Variants in UGGT1 observed in about 807,000 individuals in gnomAD.
UGGT1 encodes UDP-glucose glycoprotein glucosyltransferase 1.
UGGT1 carries 107 observed loss-of-function variants against 203.9 expected under a neutral mutation model. The observed-to-expected ratio is 0.52, with a 90% CI of 0.45 to 0.62. UGGT1 has a LOEUF of 0.62. UGGT1 is among the 20% of genes least tolerant of loss of function. UGGT1 has a pLI of 0.00. For synonymous variants in UGGT1, 628 were observed against 653.5 expected (o/e 0.96, Z 0.59); for missense variants, 1,673 against 1,867.2 (o/e 0.90, Z 1.92).
chr2:128,133,877 G>C (rs1053339784), intron 14 of UGGT1, among the ~76,000 whole-genome samples: 1 of 152,096 alleles, frequency 6.6e-6, no homozygotes, highest in African/African-American at 2.4e-5. Flanking sequence ...TAGAGAGAGA[G>C]AGAGAGAGGG....
intron 20 of UGGT1, 138 bp from the exon 21 acceptor site, chr2:128,156,254 C>A: frequency 1.5e-6 from 1 of 675,922 alleles, no homozygotes; most frequent in Non-Finnish European, 2.6e-6. Context: ...TGGGACAGCG[C>A]CATGACACCG....
intron 9 of UGGT1, 125 bp from the exon 10 acceptor site, chr2:128,121,074 G>T: frequency 1.2e-6 from 1 of 864,512 alleles, no homozygotes; most frequent in East Asian, 2.6e-5. Flanking sequence ...GCACTCTCTG[G>T]AATGGTTGCA....
At position 128,120,377 on chromosome 2, in the gene UGGT1, G is replaced by C. The variant is rs780304167; in HGVS notation, c.894G>C (p.Glu298Asp). Residue 298 changes from glutamate (E) to aspartate (D), a missense_variant, in exon 9 of 41, where the codon GAG becomes GAC. Physicochemically the swap from Glu to Asp is conservative, Grantham distance 45. This residue lies in a region of UGGT1 where 1,073 missense variants were observed against 1,078.7 expected (regional missense o/e 0.99). Coordinates refer to ENST00000259253, the MANE Select transcript of UGGT1 (RefSeq NM_020120.4). Reference sequence around the variant, plus strand: ...TTAGAGATCTGCACCCCGACCTGGAGGGACAGTTGAAAGAACTCAGAAAGC... The same window carrying C: ...TTAGAGATCTGCACCCCGACCTGGACGGACAGTTGAAAGAACTCAGAAAGC... ...GKLRDLHPDL[E>D]GQLKELRKHL... is the part of the protein sequence containing the mutation. The C allele has an allele frequency of 2.0e-5, 33 of 1,613,784 alleles. No individual in the cohort carries two copies. Among genetic ancestry groups the C allele is most frequent in the Admixed American group, 2.0e-4 (12 of 59,946 alleles).
At chr2:128,189,109 T>C (rs80084658) in intron 40 of UGGT1, among the ~76,000 whole-genome samples, 3,318 of 152,296 alleles carry the variant, frequency 0.022, 138 homozygotes, top group African/African-American at 0.077. Context: ...ATAGTGATAA[T>C]GCCATTTGTT....
chr2:128,156,470 G>T, intron 21 of UGGT1, 55 bp downstream of exon 21: 2 of 1,385,690 alleles, frequency 1.4e-6, no homozygotes, highest in South Asian at 2.4e-5. Context: ...TGGTTTCAGT[G>T]ACCATTGTAA....
At chr2:128,172,259 C>G (rs974006913) in intron 28 of UGGT1, among the ~76,000 whole-genome samples, 1 of 152,200 alleles carries the variant, frequency 6.6e-6, no homozygotes, top group African/African-American at 2.4e-5. Context: ...TTTTGGCTTG[C>G]AGGTGGACAG....
chr2:128,183,096 A>G (rs1691789967), intron 37 of UGGT1, among the ~76,000 whole-genome samples: 1 of 152,212 alleles, frequency 6.6e-6, no homozygotes, highest in Non-Finnish European at 1.5e-5. Context: ...TTTGTGAGAT[A>G]AATTCCTAGA....
Position 128,174,783 on chromosome 2 carries a change from A to G in UGGT1, c.3464A>G (p.Gln1155Arg), listed in dbSNP as rs1691291799. ...TTCTTCTTGTCCTAGGGCTACTTTC[A>G]GCTGAAAGCCAACCCAGGAGCTTGG... ...TIVMANLGYF[Q>R]LKANPGAWIL... The change falls in exon 31 of 41, where the codon CAG becomes CGG. Residue 1155 changes from glutamine (Q) to arginine (R), a missense_variant. Gln to Arg is a conservative substitution (Grantham distance 43). Around this residue, in one of 4 missense-constraint regions of UGGT1, gnomAD observed 513 missense variants for 684.1 expected, o/e 0.75. Coordinates refer to ENST00000259253, the MANE Select transcript of UGGT1 (RefSeq NM_020120.4). The G allele has an allele frequency of 1.2e-6, 2 of 1,613,520 alleles. No homozygotes were observed. Among genetic ancestry groups the G allele is most frequent in the African/African-American group, 1.3e-5 (1 of 74,892 alleles).
At chr2:128,184,760 C>A (rs1691885625) in intron 38 of UGGT1, among the ~76,000 whole-genome samples, 1 of 151,752 alleles carries the variant, frequency 6.6e-6, no homozygotes, top group Admixed American at 6.6e-5. Context: ...GCACTCACTG[C>A]AACCTCCACC....
chr2:128,104,856 A>G (rs1263458220), intron 3 of UGGT1, among the ~76,000 whole-genome samples: 4 of 152,122 alleles, frequency 2.6e-5, no homozygotes, highest in Non-Finnish European at 5.9e-5. Context: ...CATGTTGGCC[A>G]GGCTGGTCTC....
chr2:128,156,521 C>T, intron 21 of UGGT1, 106 bp downstream of exon 21: 4 of 814,274 alleles, frequency 4.9e-6, no homozygotes, highest in Non-Finnish European at 3.9e-6. Context: ...TTTCCGGAAT[C>T]TGTGGGTAAC....
At chr2:128,148,966 T>C (rs770601319) in intron 18 of UGGT1, among the ~76,000 whole-genome samples, 13 of 152,210 alleles carry the variant, frequency 8.5e-5, no homozygotes, top group Admixed American at 1.3e-4. Flanking sequence ...TTTGGGGCCA[T>C]TGATTTTCAA....
intron 18 of UGGT1, among the ~76,000 whole-genome samples, chr2:128,150,668 C>CTTTTTT (rs1205834782): frequency 2.2e-5 from 3 of 136,706 alleles, no homozygotes; most frequent in Non-Finnish European, 4.6e-5. Flanking sequence ...TAATTAATAA[C>CTTTTTT]TTTTTTTTTT....
At chr2:128,130,255 C>T (rs1397586072) in intron 13 of UGGT1, among the ~76,000 whole-genome samples, 8 of 133,346 alleles carry the variant, frequency 6.0e-5, no homozygotes, top group African/African-American at 8.6e-5. Context: ...AGCAAGACTC[C>T]GTCACAAAAA....
At chr2:128,174,123 A>G (rs189459131) in intron 30 of UGGT1, among the ~76,000 whole-genome samples, 184 bp downstream of exon 30, 2 of 152,294 alleles carry the variant, frequency 1.3e-5, no homozygotes, top group Admixed American at 1.3e-4. Context: ...ATGTCAAAAG[A>G]AAAAACATGC....
chr2:128,183,627 C>T (rs1156296000), intron 37 of UGGT1, 48 bp from the exon 38 acceptor site: 6 of 1,427,114 alleles, frequency 4.2e-6, no homozygotes, highest in Non-Finnish European at 5.9e-6. Flanking sequence ...TTTAGTTTTC[C>T]TGTCGTAATC....
rs1473675554 is a variant in UGGT1, at chr2:128,120,361, T to C, written c.878T>C (p.Leu293Pro). The change falls in exon 9 of 41, where the codon CTG becomes CCG. Residue 293 changes from leucine (L) to proline (P), a missense_variant. Coordinates refer to ENST00000259253, the MANE Select transcript of UGGT1 (RefSeq NM_020120.4). ...QGFLFGKLRD[L>P]HPDLEGQLKE... is the part of the protein sequence containing the mutation. ...GATTTTTATGTTTCTTTTAGAGATC[T>C]GCACCCCGACCTGGAGGGACAGTTG... 1 of 1,613,374 alleles carries C rather than the reference T, an allele frequency of 6.2e-7. No homozygotes were observed. Among genetic ancestry groups the C allele is most frequent in the Admixed American group, 1.7e-5 (1 of 59,742 alleles).
At chr2:128,135,651 C>T (rs1689098789) in intron 15 of UGGT1, among the ~76,000 whole-genome samples, 1 of 152,110 alleles carries the variant, frequency 6.6e-6, no homozygotes, top group Admixed American at 6.5e-5. Flanking sequence ...CTTATTCTAC[C>T]TTCTTGGAAA....
chr2:128,091,362 G>A lies in UGGT1; in HGVS notation c.5G>A (p.Gly2Asp), dbSNP rs755207368. The A allele has an allele frequency of 1.1e-5, 17 of 1,566,704 alleles. No homozygotes were observed. Among genetic ancestry groups the A allele is most frequent in the Non-Finnish European group, 1.5e-5 (17 of 1,156,012 alleles). Reference sequence around the variant, plus strand: ...CGGACTGACCACGGCCCGGGCATGGGCTGCAAGGGAGACGCGAGCGGTGCG... The same window carrying A: ...CGGACTGACCACGGCCCGGGCATGGACTGCAAGGGAGACGCGAGCGGTGCG... M[G>D]CKGDASGACA... Residue 2 changes from glycine to aspartate, a missense_variant, in exon 1 of 41, where the codon GGC (glycine) becomes GAC (aspartate). Gly to Asp is a moderately conservative substitution (Grantham distance 94). Coordinates refer to ENST00000259253, the MANE Select transcript of UGGT1 (RefSeq NM_020120.4).
Sources: allele counts gnomAD v4.1 joint callset (sites outside exome capture counted in the v4.1 genomes callset), GRCh38; gene constraint gnomAD v4.1.1; regional missense constraint gnomAD v4.1.1; transcripts MANE v1.5; gene names NCBI Gene and HGNC (gene_info 2026-07-23, HGNC 2026-07-21).